KAZN: variants seen among roughly 807,000 people sequenced by gnomAD.
KAZN encodes the protein kazrin, periplakin interacting protein, also known as kazrin.
Under a neutral mutation model 87.4 loss-of-function variants are expected in KAZN, and 40 were observed. The ratio of observed to expected loss-of-function variants is 0.46; its 90% CI spans 0.36 to 0.60. KAZN has a LOEUF of 0.60. Ranked by LOEUF, KAZN falls within the 20% of genes least tolerant of loss-of-function variation. The pLI is 0.00. For missense variants in KAZN, 898 were observed against 1,073.9 expected (o/e 0.84, Z 2.29); for synonymous variants, 466 against 458.3 (o/e 1.02, Z -0.22).
chr1:15,073,912 C>A (rs1639624639), intron 8 of KAZN, among the ~76,000 whole-genome samples: 1 of 152,224 alleles, frequency 6.6e-6, no homozygotes, highest in South Asian at 2.1e-4. Flanking sequence ...AGATGTGGAG[C>A]TGCTACAGAG....
chr1:13,968,906 C>T (rs1422811824), intron 1 of KAZN, among the ~76,000 whole-genome samples: 1 of 152,116 alleles, frequency 6.6e-6, no homozygotes, highest in Non-Finnish European at 1.5e-5. Context: ...ACAGCTGTGA[C>T]CTGCTTGCTA....
At chr1:14,914,265 T>C (rs115906145) in intron 1 of KAZN, among the ~76,000 whole-genome samples, 1 of 152,228 alleles carries the variant, frequency 6.6e-6, no homozygotes, top group African/African-American at 2.4e-5. Context: ...AGGGCTTACC[T>C]GATTAGTCCC....
chr1:14,603,132 G>C (rs573428183), intron 1 of KAZN, among the ~76,000 whole-genome samples: 3 of 152,344 alleles, frequency 2.0e-5, no homozygotes, highest in Non-Finnish European at 4.4e-5. Context: ...CTGTGGAGAC[G>C]CTAGACACTG....
At position 15,081,238 on chromosome 1, in the gene KAZN, G is replaced by A. The variant is rs896004000; in HGVS notation, c.1223-12942G>A. Among the ~76,000 whole-genome samples, 2 of 152,192 alleles carry A rather than the reference G, an allele frequency of 1.3e-5. No homozygotes were observed. The highest frequency in any genetic ancestry group is 1.9e-4 in the East Asian group (1 of 5,184). On this transcript the variant is annotated intron_variant, in intron 8 of 14. Transcript: ENST00000376030. This position sits in a 1 kb window ranked among gnomAD's most constrained non-coding sequence, Gnocchi z 4.1. Reference sequence around the variant, plus strand: ...CCAGGGCTGGCTCACACAGGCCCACGGATGGCTCTCTTCCCAACTCCACGT... The same window carrying A: ...CCAGGGCTGGCTCACACAGGCCCACAGATGGCTCTCTTCCCAACTCCACGT...
chr1:13,967,266 T>C (rs1383032716), intron 1 of KAZN, among the ~76,000 whole-genome samples: 1 of 152,230 alleles, frequency 6.6e-6, no homozygotes, highest in Non-Finnish European at 1.5e-5. Flanking sequence ...GTGTGTGGAC[T>C]GACTTAAGAG....
chr1:14,103,655 A>T (rs996366650), intron 1 of KAZN, among the ~76,000 whole-genome samples: 1 of 152,104 alleles, frequency 6.6e-6, no homozygotes, highest in Non-Finnish European at 1.5e-5. Flanking sequence ...TTCTCTGCAG[A>T]TACATCTTCC....
chr1:14,455,208 AT>A (rs1429573273), intron 2 of KAZN, among the ~76,000 whole-genome samples: 3 of 152,262 alleles, frequency 2.0e-5, no homozygotes, highest in Non-Finnish European at 4.4e-5. Flanking sequence ...ACCATTTAGT[AT>A]TTATTAACAA....
At chr1:14,766,220 G>T (rs1298716734) in intron 1 of KAZN, among the ~76,000 whole-genome samples, 2 of 152,150 alleles carry the variant, frequency 1.3e-5, no homozygotes, top group Non-Finnish European at 2.9e-5. Context: ...TCCAGTTGAG[G>T]GTCAAAGGAG....
rs1178371954 is a variant in KAZN, at chr1:14,406,130, T to A, written c.250-192853T>A. On this transcript the variant is annotated intron_variant, in intron 2 of 16. Transcript: ENST00000636203. Reference sequence around the variant, plus strand: ...GCTTGTTTGTAACTCAAAGGATAAATGCTTGATGGGATGGATACCCCATTC... The same window carrying A: ...GCTTGTTTGTAACTCAAAGGATAAAAGCTTGATGGGATGGATACCCCATTC... Among the ~76,000 whole-genome samples the A allele has an allele frequency of 2.0e-5, 3 of 152,200 alleles. No individual in the cohort carries two copies. In the East Asian group the frequency reaches 5.8e-4, roughly 29 times the overall value.
intron 2 of KAZN, among the ~76,000 whole-genome samples, chr1:14,285,989 A>G (rs562937521): frequency 6.6e-6 from 1 of 152,318 alleles, no homozygotes; most frequent in South Asian, 2.1e-4. Flanking sequence ...CAGGGGCTCA[A>G]GAACTACACC....
intron 2 of KAZN, among the ~76,000 whole-genome samples, chr1:14,457,631 G>A (rs1171671193): frequency 6.6e-6 from 1 of 151,580 alleles, no homozygotes; most frequent in African/African-American, 2.4e-5. Context: ...TCAAGTTCTT[G>A]GAAAAAAATC....
intron 1 of KAZN, among the ~76,000 whole-genome samples, chr1:14,178,116 T>C (rs1301131012): frequency 1.3e-5 from 2 of 152,286 alleles, no homozygotes; most frequent in East Asian, 1.9e-4. Context: ...GCATTTCCCC[T>C]GCTGGCACTC....
At chr1:14,469,533 A>G (rs1164723388) in intron 2 of KAZN, among the ~76,000 whole-genome samples, 2 of 152,240 alleles carry the variant, frequency 1.3e-5, no homozygotes, top group African/African-American at 4.8e-5. Flanking sequence ...AAAATTGGGC[A>G]GTTTATCAGT....
At chr1:15,022,177 C>T (rs569008429) in intron 2 of KAZN, among the ~76,000 whole-genome samples, 6 of 152,176 alleles carry the variant, frequency 3.9e-5, no homozygotes, top group South Asian at 2.1e-4. Flanking sequence ...ATGGCCAGGA[C>T]GGGCCATGCA....
rs1269513557 is a variant in KAZN, at chr1:14,664,040, G to A, written c.226+64817G>A. On this transcript the variant is annotated intron_variant, in intron 1 of 14. Coordinates refer to ENST00000376030, the MANE Select transcript of KAZN (RefSeq NM_201628.3). ...TGCTACCAGATGGGTCGACCTTAGG[G>A]ATAGTATGCTAAGTGAAATAAGCAT... Among the ~76,000 whole-genome samples the A allele has an allele frequency of 6.6e-5, 10 of 152,246 alleles. 1 individual carries two copies. Among genetic ancestry groups the A allele is most frequent in the Admixed American group, 4.6e-4 (7 of 15,280 alleles).
At chr1:14,118,269 A>G (rs993271149) in intron 1 of KAZN, among the ~76,000 whole-genome samples, 7 of 152,216 alleles carry the variant, frequency 4.6e-5, no homozygotes, top group African/African-American at 1.7e-4. Flanking sequence ...CCTTTTAGAG[A>G]GAAACAAATC....
intron 2 of KAZN, among the ~76,000 whole-genome samples, chr1:14,510,603 G>A (rs1178431533): frequency 6.6e-6 from 1 of 152,196 alleles, no homozygotes; most frequent in African/African-American, 2.4e-5. Context: ...TGAGAACACT[G>A]TAAAGTCATT....
chr1:14,885,568 G>A (rs1166763253), intron 1 of KAZN, among the ~76,000 whole-genome samples: 1 of 151,974 alleles, frequency 6.6e-6, no homozygotes. Context: ...GGCTGGTCTT[G>A]AACTCCTAGG....
chr1:14,463,407 A>T (rs1667955829), intron 2 of KAZN, among the ~76,000 whole-genome samples: 2 of 151,894 alleles, frequency 1.3e-5, no homozygotes, highest in Admixed American at 1.3e-4. Context: ...TTTAATCCCA[A>T]CCTCTTCACT....
Sources: gnomAD v4.1 joint callset for allele counts (sites outside exome capture counted in the v4.1 genomes callset) on GRCh38, gnomAD v4.1.1 for gene constraint, Gnocchi (gnomAD v3.1) non-coding constraint, MANE v1.5 for transcripts, NCBI Gene and HGNC (gene_info 2026-07-23, HGNC 2026-07-21) for gene names.